The following CAB39 variants were observed in gnomAD, a reference collection of about 807,000 sequenced individuals.
CAB39 encodes calcium binding protein 39.
A neutral mutation model predicts 40.0 loss-of-function variants in CAB39; 8 were observed. The ratio of observed to expected loss-of-function variants is 0.20; its 90% CI spans 0.12 to 0.36. The LOEUF (loss-of-function observed/expected upper bound fraction) is 0.36. CAB39 is among the 10% of genes least tolerant of loss of function. The pLI is 1.00. For missense variants in CAB39, 270 were observed against 401.1 expected, an observed-to-expected ratio of 0.67 and a Z score of 2.79; for synonymous variants, 156 against 141.6, an observed-to-expected ratio of 1.10 and a Z score of -0.72.
chr2:230,770,190 A>G (rs1695457942), intron 2 of CAB39, among the ~76,000 whole-genome samples: 1 of 151,848 alleles, frequency 6.6e-6, no homozygotes, highest in African/African-American at 2.4e-5. Flanking sequence ...GTTAAATAGA[A>G]AAAAAAAATT....
intron 2 of CAB39, among the ~76,000 whole-genome samples, chr2:230,781,518 C>T (rs529779840): frequency 6.6e-6 from 1 of 152,286 alleles, no homozygotes; most frequent in East Asian, 1.9e-4. Flanking sequence ...TGTAGGGGAG[C>T]CAAGAGACCT....
intron 1 of CAB39, among the ~76,000 whole-genome samples, chr2:230,750,564 C>T (rs1695067770): frequency 6.7e-6 from 1 of 150,344 alleles, no homozygotes; most frequent in Admixed American, 6.6e-5. Flanking sequence ...TAAGTTACCA[C>T]ATCTTTTATT....
chr2:230,814,163 A>C (rs1486710048), intron 7 of CAB39, 49 bp downstream of exon 7: 8 of 911,376 alleles, frequency 8.8e-6, no homozygotes, highest in Non-Finnish European at 1.4e-5. Flanking sequence ...CTTGTGTTTG[A>C]AATGTGGATT....
At chr2:230,811,326 C>T (rs10209007) in intron 6 of CAB39, among the ~76,000 whole-genome samples, 1 of 151,978 alleles carries the variant, frequency 6.6e-6, no homozygotes, top group African/African-American at 2.4e-5. Flanking sequence ...TGTCTTTTCC[C>T]CCTGCCCTCC....
At chr2:230,743,916 C>T (rs955690804) in intron 1 of CAB39, among the ~76,000 whole-genome samples, 42 of 127,700 alleles carry the variant, frequency 3.3e-4, no homozygotes, top group African/African-American at 1.2e-3. Flanking sequence ...ATACATGATA[C>T]TTTTTTTTTT....
rs1186195273 is a variant in CAB39, at chr2:230,719,038, ATTC to A, written c.-44+5811_-44+5813del. On this transcript the variant is annotated intron_variant, in intron 1 of 8. Coordinates refer to ENST00000258418, the MANE Select transcript of CAB39 (RefSeq NM_016289.4). ...TATATTAAATGTTCTTTGTCATATAATTCTTTTTTAAGGTTTAATATACTAATA... is the reference window on the plus strand; with the variant it reads ...TATATTAAATGTTCTTTGTCATATAATTTTTTAAGGTTTAATATACTAATA... Among the ~76,000 whole-genome samples the A allele has an allele frequency of 2.0e-5, 3 of 152,206 alleles. No homozygotes were observed. The East Asian group carries it at 5.8e-4, about 29-fold the overall frequency.
chr2:230,810,557 T>C (rs1369225257), intron 6 of CAB39, among the ~76,000 whole-genome samples: 2 of 152,170 alleles, frequency 1.3e-5, no homozygotes, highest in Non-Finnish European at 2.9e-5. Flanking sequence ...AAGAGGAAAA[T>C]AGAGCATTTT....
intron 1 of CAB39, among the ~76,000 whole-genome samples, chr2:230,714,752 G>T (rs958029251): frequency 1.3e-5 from 2 of 152,176 alleles, no homozygotes; most frequent in African/African-American, 4.8e-5. Flanking sequence ...CTTTATAGTA[G>T]AGCCAGAAGT....
At chr2:230,765,821 C>T (rs967356787) in intron 2 of CAB39, among the ~76,000 whole-genome samples, 1 of 151,582 alleles carries the variant, frequency 6.6e-6, no homozygotes, top group Non-Finnish European at 1.5e-5. Flanking sequence ...GTTATCTAGC[C>T]AAAAAAATGT....
intron 2 of CAB39, among the ~76,000 whole-genome samples, chr2:230,789,426 C>A (rs561540669): frequency 3.9e-5 from 6 of 152,132 alleles, no homozygotes; most frequent in African/African-American, 1.4e-4. Flanking sequence ...GGTTTTGGTC[C>A]TTTCCAGGAT....
At chr2:230,813,850 C>T in intron 6 of CAB39, 199 bp from the exon 7 acceptor site, 1 of 478,390 alleles carries the variant, frequency 2.1e-6, no homozygotes, top group Non-Finnish European at 3.6e-6. Flanking sequence ...GTGGGATCAC[C>T]TGAGAGTCTC....
chr2:230,726,368 C>T (rs1390213433), intron 1 of CAB39, among the ~76,000 whole-genome samples: 3 of 151,682 alleles, frequency 2.0e-5, no homozygotes, highest in Admixed American at 6.6e-5. Flanking sequence ...GATGGGGTTT[C>T]GCTGTGTTGG....
chr2:230,753,054 G>A (rs946118769), intron 1 of CAB39, among the ~76,000 whole-genome samples: 2 of 152,068 alleles, frequency 1.3e-5, no homozygotes, highest in Non-Finnish European at 2.9e-5. Context: ...AGCCAAGAGT[G>A]GAACCTTGAA....
intron 2 of CAB39, among the ~76,000 whole-genome samples, chr2:230,761,888 T>TTGTTGTTG (rs1553671528): frequency 4.2e-4 from 63 of 149,956 alleles, no homozygotes; most frequent in African/African-American, 1.5e-3. Context: ...TTGTTTTTTA[T>TTGTTGTTG]TTGTTGTTGT....
At chr2:230,800,100 C>G (rs1263604670) in intron 5 of CAB39, among the ~76,000 whole-genome samples, 1 of 152,052 alleles carries the variant, frequency 6.6e-6, no homozygotes, top group East Asian at 1.9e-4. Flanking sequence ...GCTCAGAAAC[C>G]ATGAACACTA....
chr2:230,785,989 C>T (rs1695784050), intron 2 of CAB39, among the ~76,000 whole-genome samples: 1 of 151,522 alleles, frequency 6.6e-6, no homozygotes, highest in Non-Finnish European at 1.5e-5. Context: ...ACGGTGAAAC[C>T]CCGTCTCTAC....
chr2:230,820,413 T>C lies in CAB39; in HGVS notation c.*1709T>C, dbSNP rs893110896. The C allele has an allele frequency of 6.6e-6, 1 of 152,202 alleles. No individual in the cohort carries two copies. Among genetic ancestry groups the C allele is most frequent in the Non-Finnish European group, 1.5e-5 (1 of 68,040 alleles). The allele number at this position is 152,202 out of a possible 1,614,324, so 9.4% of individuals were successfully genotyped here. A position where few individuals can be genotyped will look rare whatever the true frequency, so the allele number is the denominator to read the frequency against. On this transcript the variant is annotated 3_prime_UTR_variant, in exon 9 of 9. Transcript: ENST00000258418. ...TTTATTAAAATGGCAGTCTACATCA[T>C]AATTGGCATTTCTCAAGACTGTCTT... is the stretch of plus-strand genomic sequence containing the variant.
chr2:230,799,430 A>G (rs1011130576), intron 5 of CAB39, among the ~76,000 whole-genome samples: 6 of 152,216 alleles, frequency 3.9e-5, no homozygotes, highest in African/African-American at 1.4e-4. Context: ...GGACAGAATC[A>G]CCCACACTAT....
intron 1 of CAB39, among the ~76,000 whole-genome samples, chr2:230,756,786 G>A (rs771842978): frequency 2.0e-5 from 3 of 151,836 alleles, no homozygotes; most frequent in African/African-American, 4.8e-5. Flanking sequence ...TCCCCGTCCC[G>A]GGTTCAAGCC....
Sources: gnomAD v4.1 joint callset for allele counts (sites outside exome capture counted in the v4.1 genomes callset) on GRCh38, gnomAD v4.1.1 for gene constraint, MANE v1.5 for transcripts, NCBI Gene and HGNC (gene_info 2026-07-23, HGNC 2026-07-21) for gene names.